SUPT3H: variants seen among roughly 807,000 people sequenced by gnomAD.
SUPT3H encodes transcription initiation protein SPT3 homolog.
Under a neutral mutation model 44.3 loss-of-function variants are expected in SUPT3H, and 44 were observed. The observed-to-expected ratio is 0.99, with a 90% CI of 0.78 to 1.28. The LOEUF (loss-of-function observed/expected upper bound fraction) is 1.28, where lower values mean the gene tolerates loss of function less well. Among genes scored for constraint, SUPT3H ranks in the 50% most tolerant of loss-of-function variants. The pLI, the probability that SUPT3H is intolerant of heterozygous loss-of-function variation, is 0.00. For missense variants in SUPT3H, 380 were observed against 387.1 expected (o/e 0.98, Z 0.15); for synonymous variants, 124 against 125.6 (o/e 0.99, Z 0.09).
At chr6:45,311,736 A>G (rs955345221) in intron 2 of SUPT3H, among the ~76,000 whole-genome samples, 2 of 152,206 alleles carry the variant, frequency 1.3e-5, no homozygotes, top group African/African-American at 2.4e-5. Context: ...TGAAGGAAAG[A>G]TACAGTCATT....
At chr6:45,009,823 T>A (rs1465521281) in intron 5 of SUPT3H, among the ~76,000 whole-genome samples, 1 of 152,150 alleles carries the variant, frequency 6.6e-6, no homozygotes, top group Non-Finnish European at 1.5e-5. Flanking sequence ...CATTTCCATA[T>A]CAGAATCTGG....
intron 2 of SUPT3H, among the ~76,000 whole-genome samples, chr6:45,238,923 AT>A (rs1769751338): frequency 6.6e-6 from 1 of 152,172 alleles, no homozygotes; most frequent in South Asian, 2.1e-4. Flanking sequence ...AATTTTTGAA[AT>A]TAACTAATTG....
chr6:45,180,381 T>C (rs1467482542), intron 2 of SUPT3H, among the ~76,000 whole-genome samples: 2 of 150,394 alleles, frequency 1.3e-5, no homozygotes, highest in Non-Finnish European at 1.5e-5. Flanking sequence ...AAAGTTCATA[T>C]GGAACCAAAA....
At chr6:44,948,704 C>T (rs1356772713) in intron 9 of SUPT3H, among the ~76,000 whole-genome samples, 2 of 152,114 alleles carry the variant, frequency 1.3e-5, no homozygotes, top group Non-Finnish European at 2.9e-5. Flanking sequence ...CCATCTCACA[C>T]CACTTAGAAT....
At chr6:45,311,410 C>T (rs372099979) in intron 2 of SUPT3H, among the ~76,000 whole-genome samples, 1 of 152,168 alleles carries the variant, frequency 6.6e-6, no homozygotes, top group African/African-American at 2.4e-5. Context: ...TCAAGGAAAA[C>T]TTCCCCAGCC....
intron 11 of SUPT3H, among the ~76,000 whole-genome samples, chr6:44,820,053 T>A (rs777066568): frequency 2.6e-5 from 4 of 151,462 alleles, no homozygotes; most frequent in Non-Finnish European, 5.9e-5. Context: ...TGAAACCCTG[T>A]CTCTACCAAA....
At chr6:45,143,496 C>A (rs1039961972) in intron 2 of SUPT3H, among the ~76,000 whole-genome samples, 7 of 152,068 alleles carry the variant, frequency 4.6e-5, no homozygotes, top group African/African-American at 9.7e-5. Context: ...ATTAAAAATT[C>A]TTTGAACTGA....
At chr6:44,870,831 C>G (rs1183790115) in intron 10 of SUPT3H, among the ~76,000 whole-genome samples, 2 of 151,614 alleles carry the variant, frequency 1.3e-5, no homozygotes, top group Non-Finnish European at 2.9e-5. Flanking sequence ...CATTCCCTCA[C>G]CTGGGAAGCG....
chr6:45,025,650 G>A (rs1246312166), intron 3 of SUPT3H, among the ~76,000 whole-genome samples: 3 of 152,154 alleles, frequency 2.0e-5, no homozygotes, highest in Non-Finnish European at 4.4e-5. Flanking sequence ...TTGGGAGGCC[G>A]AGACAGGCGG....
intron 3 of SUPT3H, among the ~76,000 whole-genome samples, chr6:45,088,129 T>C (rs948924119): frequency 6.6e-6 from 1 of 152,030 alleles, no homozygotes; most frequent in Non-Finnish European, 1.5e-5. Context: ...AGGTTTCTTC[T>C]CAGGGACATA....
chr6:45,197,170 TAA>T (rs1816195056), intron 2 of SUPT3H, among the ~76,000 whole-genome samples: 1 of 151,690 alleles, frequency 6.6e-6, no homozygotes, highest in Admixed American at 6.6e-5. Context: ...GAAATAGGAA[TAA>T]AGATTATTTT....
intron 3 of SUPT3H, among the ~76,000 whole-genome samples, chr6:45,068,432 G>A (rs933108603): frequency 6.7e-6 from 1 of 150,008 alleles, no homozygotes; most frequent in Non-Finnish European, 1.5e-5. Context: ...CCTGCACAAT[G>A]TGCACATGTA....
intron 3 of SUPT3H, among the ~76,000 whole-genome samples, chr6:45,021,308 G>C (rs1376545367): frequency 1.3e-5 from 2 of 151,804 alleles, no homozygotes; most frequent in Non-Finnish European, 2.9e-5. Flanking sequence ...TATCTACAAA[G>C]TCAAGATTTT....
At chr6:45,172,401 A>C (rs1810963372) in intron 2 of SUPT3H, among the ~76,000 whole-genome samples, 1 of 151,944 alleles carries the variant, frequency 6.6e-6, no homozygotes, top group Admixed American at 6.6e-5. Context: ...ATAAAATATT[A>C]TCCTTACATT....
chr6:45,017,456 T>C (rs1267326018), intron 4 of SUPT3H, among the ~76,000 whole-genome samples: 2 of 151,688 alleles, frequency 1.3e-5, no homozygotes, highest in South Asian at 2.1e-4. Context: ...CTAGGTTTTC[T>C]TCCAGGGTTT....
chr6:44,972,661 C>G (rs563764047), intron 6 of SUPT3H, among the ~76,000 whole-genome samples: 2 of 152,194 alleles, frequency 1.3e-5, no homozygotes, highest in African/African-American at 4.8e-5. Context: ...GGCTCTGCCC[C>G]GGCAACACAC....
At chr6:45,041,600 T>C (rs1291583820) in intron 3 of SUPT3H, among the ~76,000 whole-genome samples, 1 of 152,192 alleles carries the variant, frequency 6.6e-6, no homozygotes, top group Non-Finnish European at 1.5e-5. Flanking sequence ...TGCCAAATTT[T>C]CCAAATCAGA....
intron 3 of SUPT3H, among the ~76,000 whole-genome samples, chr6:45,050,651 G>A (rs1409462975): frequency 6.6e-6 from 1 of 151,978 alleles, no homozygotes; most frequent in African/African-American, 2.4e-5. Flanking sequence ...AAAGCCTCAC[G>A]GAAGACAGTT....
chr6:44,884,755 C>G (rs1057358372), intron 10 of SUPT3H, among the ~76,000 whole-genome samples: 17 of 152,248 alleles, frequency 1.1e-4, no homozygotes, highest in South Asian at 8.3e-4. Flanking sequence ...GAGTGCCAGA[C>G]AGTGGGCGCA....
Sources: gnomAD v4.1 joint callset for allele counts (sites outside exome capture counted in the v4.1 genomes callset) on GRCh38, gnomAD v4.1.1 for gene constraint, MANE v1.5 for transcripts, NCBI Gene and HGNC (gene_info 2026-07-23, HGNC 2026-07-21) for gene names.